Variants in CP observed in about 807,000 individuals in gnomAD.
The protein encoded by CP is caeruloplasmin.
A neutral mutation model predicts 122.4 loss-of-function variants in CP; 64 were observed. That is an observed-to-expected ratio of 0.52 (90% CI 0.43 to 0.64). The LOEUF (loss-of-function observed/expected upper bound fraction) is 0.64, where lower values mean the gene tolerates loss of function less well. CP is among the 30% of genes least tolerant of loss of function. The pLI is 0.00. For synonymous variants in CP, 440 were observed against 436.4 expected (o/e 1.01, Z -0.10); for missense variants, 1,167 against 1,284.4 (o/e 0.91, Z 1.40).
intron 7 of CP, 112 bp downstream of exon 7, chr3:149,201,990 C>G (rs1576765453): frequency 1.5e-6 from 2 of 1,352,556 alleles, no homozygotes; most frequent in Non-Finnish European, 2.1e-6. Flanking sequence ...CTTCCACACG[C>G]CTACTTAACA....
intron 9 of CP, among the ~76,000 whole-genome samples, chr3:149,190,688 G>A (rs921380785): frequency 6.6e-6 from 1 of 150,594 alleles, no homozygotes; most frequent in Non-Finnish European, 1.5e-5. Flanking sequence ...AGGAGGGGGG[G>A]AACCCCATAA....
At chr3:149,218,005 G>A (rs1419560885) in intron 1 of CP, 5 of 259,974 alleles carry the variant, frequency 1.9e-5, no homozygotes, top group South Asian at 8.0e-5. Flanking sequence ...TGAAAAACCC[G>A]GTAATAATGT....
chr3:149,186,805 G>T, intron 10 of CP, 73 bp from the exon 11 acceptor site: 1 of 1,422,042 alleles, frequency 7.0e-7, no homozygotes. Flanking sequence ...AGACTTTCCA[G>T]GACCAACTTT....
rs766271896 is a variant in CP, at chr3:149,176,235, T to C, written c.3181+15A>G. ...TTTTATATATGGCTTCTAGAATTACTACCTGGATATTCACCTTCATTTTGT... is the reference window on the plus strand; with the variant it reads ...TTTTATATATGGCTTCTAGAATTACCACCTGGATATTCACCTTCATTTTGT... On this transcript the variant is annotated intron_variant, in intron 18 of 18. Coordinates refer to ENST00000264613, the MANE Select transcript of CP (RefSeq NM_000096.4). The C allele has an allele frequency of 6.2e-7, 1 of 1,610,514 alleles. No homozygotes were observed. The highest frequency in any genetic ancestry group is 1.1e-5 in the South Asian group (1 of 90,958).
chr3:149,190,684 G>T (rs975899415), intron 9 of CP, among the ~76,000 whole-genome samples: 2 of 151,390 alleles, frequency 1.3e-5, no homozygotes, highest in Non-Finnish European at 2.9e-5. Flanking sequence ...AAAAAGGAGG[G>T]GGGGAACCCC....
chr3:149,219,349 T>C (rs1300966043), intron 1 of CP, among the ~76,000 whole-genome samples: 1 of 152,214 alleles, frequency 6.6e-6, no homozygotes, highest in Non-Finnish European at 1.5e-5. Context: ...GGTTTGGCTG[T>C]GTCCCCACCC....
In CP at chr3:149,183,317, T is replaced by C. The variant is rs1260345780; in HGVS notation, c.2425+149A>G. ...TATTATTTAATAAACATCAGTCTTA[T>C]TTCATTAGATAACTAATTTTTAAAT... On this transcript the variant is annotated intron_variant, in intron 13 of 18. Coordinates refer to ENST00000264613, the MANE Select transcript of CP (RefSeq NM_000096.4). 3.0e-5 allele frequency: 21 copies of C among 699,874 alleles called. No individual in the cohort carries two copies. In the Admixed American group the frequency reaches 4.8e-4, roughly 16 times the overall value. 43.4% of individuals were successfully genotyped at this position (699,874 alleles called of 1,614,324 possible). A position where few individuals can be genotyped will look rare whatever the true frequency, so the allele number is the denominator to read the frequency against.
At chr3:149,173,911 T>C (rs1330831237) in intron 18 of CP, among the ~76,000 whole-genome samples, 181 bp from the exon 19 acceptor site, 1 of 152,186 alleles carries the variant, frequency 6.6e-6, no homozygotes, top group Non-Finnish European at 1.5e-5. Context: ...AAAGAAAGAT[T>C]ACTTTCTTCC....
chr3:149,201,745 G>T (rs1049482914), intron 7 of CP, among the ~76,000 whole-genome samples: 1 of 152,052 alleles, frequency 6.6e-6, no homozygotes, highest in Non-Finnish European at 1.5e-5. Context: ...ACAGGTACGT[G>T]CCACCACGCC....
chr3:149,186,801 T>C (rs1176311100), intron 10 of CP, 69 bp from the exon 11 acceptor site: 5 of 1,442,770 alleles, frequency 3.5e-6, no homozygotes, highest in Non-Finnish European at 4.9e-6. Context: ...TCACAGACTT[T>C]CCAGGACCAA....
At chr3:149,219,442 C>T (rs1017461538) in intron 1 of CP, among the ~76,000 whole-genome samples, 1 of 152,088 alleles carries the variant, frequency 6.6e-6, no homozygotes, top group Non-Finnish European at 1.5e-5. Context: ...ATGTGGTTTC[C>T]CCCATATTGT....
At chr3:149,181,974 G>GGGGGGGGGGGGGGGGGGGCC in intron 14 of CP, 31 bp downstream of exon 14, 4 of 1,356,690 alleles carry the variant, frequency 2.9e-6, no homozygotes, top group Non-Finnish European at 4.2e-6. Flanking sequence ...CTGTTAAAAT[G>GGGGGGGGGGGGGGGGGGGCC]CACCACCCCC....
chr3:149,189,574 A>G (rs1018509515), intron 9 of CP, among the ~76,000 whole-genome samples: 5 of 151,302 alleles, frequency 3.3e-5, no homozygotes, highest in African/African-American at 1.2e-4. Context: ...AAAAAAAGTT[A>G]TGAAACGAAA....
At chr3:149,162,767 C>T (rs746304657) in exon 6 of CP, 3 of 1,613,850 alleles carry the variant, frequency 1.9e-6, no homozygotes, top group South Asian at 2.2e-5. Flanking sequence ...TGGCATGTCT[C>T]CCAGATGTGG....
At chr3:149,171,613 A>AAGTT (rs1452407805), downstream of CP, among the ~76,000 whole-genome samples, 7 of 152,276 alleles carry the variant, frequency 4.6e-5, no homozygotes, top group South Asian at 8.3e-4. Flanking sequence ...AAGGAAAAAT[A>AAGTT]AGTTACAACC....
chr3:149,185,402 C>T lies in CP; in HGVS notation c.2122G>A (p.Gly708Ser), dbSNP rs1056623509. ...TTCACAGTATATTTTTGCTTCATGC[C>T]GCCTGTGTAATGATCAGTTGTAAGG... ...ECLTTDHYTG[G>S]MKQKYTVNQC... The change falls in exon 12 of 19, where the codon GGC (glycine) becomes AGC (serine). Residue 708 changes from glycine to serine, a missense_variant. By Grantham distance (56) the Gly-to-Ser change is moderately conservative (BLOSUM62 0). Coordinates refer to ENST00000264613, the MANE Select transcript of CP (RefSeq NM_000096.4). The T allele has an allele frequency of 8.1e-6, 13 of 1,614,026 alleles. No homozygotes were observed. The highest frequency in any genetic ancestry group is 2.2e-5 in the East Asian group (1 of 44,884).
chr3:149,217,757 T>C (rs1313063360), intron 1 of CP: 4 of 187,394 alleles, frequency 2.1e-5, no homozygotes, highest in Non-Finnish European at 4.7e-5. Context: ...AAACAGCGGA[T>C]ATAATGGAAA....
At chr3:149,185,142 C>CTTTTT in intron 12 of CP, 97 bp downstream of exon 12, 1 of 888,732 alleles carries the variant, frequency 1.1e-6, no homozygotes, top group Non-Finnish European at 1.7e-6. Flanking sequence ...TTTAATGCAA[C>CTTTTT]TTTTTTTTTT....
chr3:149,209,248 T>A lies in CP; in HGVS notation c.744A>T (p.Lys248Asn). The change falls in exon 4 of 19, where the codon AAA (lysine) becomes AAT (asparagine). Residue 248 changes from lysine (K) to asparagine (N), a missense_variant. Physicochemically the swap from Lys to Asn is moderately conservative, Grantham distance 94 (BLOSUM62 0). Around this residue, in one of 2 missense-constraint regions of CP, gnomAD observed 642 missense variants for 627.3 expected, o/e 1.02. Transcript: ENST00000264613. ...TACTCTCCTGGAAGTCTTCGTTGTC[T>A]TTGTCAACTTTCTCTGGTTCTGAGC... ...TYCSEPEKVD[K>N]DNEDFQESNR... is the part of the protein sequence containing the mutation. The A allele has an allele frequency of 6.2e-7, 1 of 1,613,786 alleles. No homozygotes were observed. The highest frequency in any genetic ancestry group is 1.1e-5 in the South Asian group (1 of 91,068).
Sources: allele counts gnomAD v4.1 joint callset (sites outside exome capture counted in the v4.1 genomes callset), GRCh38; gene constraint gnomAD v4.1.1; regional missense constraint gnomAD v4.1.1; transcripts MANE v1.5; gene names NCBI Gene and HGNC (gene_info 2026-07-23, HGNC 2026-07-21).